The following EXOC6B variants were observed in gnomAD, a reference collection of about 807,000 sequenced individuals.
EXOC6B encodes SEC15 homolog B.
EXOC6B carries 54 observed loss-of-function variants against 113.5 expected under a neutral mutation model. The ratio of observed to expected loss-of-function variants is 0.48; its 90% confidence interval spans 0.38 to 0.60. The LOEUF (loss-of-function observed/expected upper bound fraction) is 0.60, where lower values mean the gene tolerates loss of function less well. Ranked by LOEUF, EXOC6B falls within the 20% of genes least tolerant of loss-of-function variation. EXOC6B has a pLI of 0.00. For missense variants in EXOC6B, 797 were observed against 977.5 expected (o/e 0.82, Z 2.46); for synonymous variants, 357 against 339.0 (o/e 1.05, Z -0.58).
intron 20 of EXOC6B, among the ~76,000 whole-genome samples, chr2:72,187,368 A>T (rs956119785): frequency 6.6e-6 from 1 of 151,906 alleles, no homozygotes; most frequent in African/African-American, 2.4e-5. Context: ...CAGCTCTTTT[A>T]GCCTTACCAT....
chr2:72,764,256 T>A (rs1682925333), intron 1 of EXOC6B, among the ~76,000 whole-genome samples: 1 of 152,002 alleles, frequency 6.6e-6, no homozygotes, highest in Non-Finnish European at 1.5e-5. Flanking sequence ...AGATTGCTTT[T>A]GTAATATAAA....
intron 6 of EXOC6B, among the ~76,000 whole-genome samples, chr2:72,656,475 T>TAAATAAA (rs1674583967): frequency 6.6e-6 from 1 of 151,890 alleles, no homozygotes; most frequent in African/African-American, 2.4e-5. Flanking sequence ...TTCACATCTA[T>TAAATAAA]GCAAGGAATA....
chr2:72,446,696 A>G (rs1696605482), intron 18 of EXOC6B, among the ~76,000 whole-genome samples: 1 of 152,154 alleles, frequency 6.6e-6, no homozygotes, highest in Non-Finnish European at 1.5e-5. Flanking sequence ...TGGGTGATGA[A>G]ATAATCTGTA....
At chr2:72,497,722 T>A (rs1400955816) in intron 13 of EXOC6B, among the ~76,000 whole-genome samples, 4 of 152,136 alleles carry the variant, frequency 2.6e-5, no homozygotes, top group African/African-American at 7.2e-5. Flanking sequence ...CTTGAAGCTA[T>A]AAGAGTTTGA....
intron 18 of EXOC6B, among the ~76,000 whole-genome samples, chr2:72,382,442 G>C (rs1336812905): frequency 6.6e-6 from 1 of 152,136 alleles, no homozygotes; most frequent in Non-Finnish European, 1.5e-5. Context: ...TAGCCCTGTG[G>C]TATAGTTTGA....
At chr2:72,808,032 C>T (rs2105112524) in intron 1 of EXOC6B, among the ~76,000 whole-genome samples, 1 of 152,278 alleles carries the variant, frequency 6.6e-6, no homozygotes. Context: ...GATTATTACA[C>T]ATTGCATGTC....
intron 6 of EXOC6B, among the ~76,000 whole-genome samples, chr2:72,585,217 G>C (rs1417769698): frequency 1.3e-5 from 2 of 152,110 alleles, no homozygotes; most frequent in Admixed American, 1.3e-4. Context: ...TTAAAAATGG[G>C]TTGTTCTAAA....
At chr2:72,457,824 G>A (rs1400890661) in intron 18 of EXOC6B, among the ~76,000 whole-genome samples, 4 of 152,062 alleles carry the variant, frequency 2.6e-5, no homozygotes, top group African/African-American at 7.2e-5. Flanking sequence ...AGATAGGCAG[G>A]CTGCCTAAGT....
Position 72,575,656 on chromosome 2 carries a change from T to C in EXOC6B, c.682A>G (p.Arg228Gly). 1.3e-6 allele frequency: 2 copies of C among 1,598,974 alleles called. No individual in the cohort carries two copies. Among genetic ancestry groups the C allele is most frequent in the Non-Finnish European group, 1.7e-6 (2 of 1,174,012 alleles). ...TGCAAGACGATGTTATCCAGGTTTC[T>C]TTGCTGCTGGGCCTAGGATAGAGAA... ...ETAMKQAQQQRNLDNIVLQQP... is the reference protein window; with the variant it reads ...ETAMKQAQQQGNLDNIVLQQP... Residue 228 changes from arginine (R) to glycine (G), a missense_variant, in exon 7 of 22, where the codon AGA (arginine) becomes GGA (glycine). Coordinates refer to ENST00000272427, the MANE Select transcript of EXOC6B (RefSeq NM_015189.3).
intron 20 of EXOC6B, among the ~76,000 whole-genome samples, chr2:72,318,457 G>A (rs546917846): frequency 9.2e-5 from 14 of 151,594 alleles, no homozygotes; most frequent in Non-Finnish European, 1.8e-4. Context: ...GCAATGGTGC[G>A]ATCTCGGCCC....
At chr2:72,344,464 G>C (rs532464228) in intron 19 of EXOC6B, among the ~76,000 whole-genome samples, 109 of 146,330 alleles carry the variant, frequency 7.4e-4, no homozygotes, top group Admixed American at 1.2e-3. Flanking sequence ...TTTTTTTTTT[G>C]CTTGCATGGG....
chr2:72,612,199 C>T (rs976795792), intron 6 of EXOC6B, among the ~76,000 whole-genome samples: 1 of 151,810 alleles, frequency 6.6e-6, no homozygotes, highest in Admixed American at 6.6e-5. Context: ...GGTTTGAGCT[C>T]AGGAGGCAGA....
chr2:72,193,396 T>C (rs764360555), intron 20 of EXOC6B, among the ~76,000 whole-genome samples: 27 of 152,184 alleles, frequency 1.8e-4, no homozygotes, highest in Non-Finnish European at 2.9e-4. Context: ...AAGGGCATCC[T>C]GAGTCTGCCT....
chr2:72,296,289 A>G (rs946825025), intron 20 of EXOC6B, among the ~76,000 whole-genome samples: 7 of 152,250 alleles, frequency 4.6e-5, no homozygotes, highest in African/African-American at 1.7e-4. Context: ...GAGAAGAAAC[A>G]TGGGTCTTTC....
chr2:72,356,818 T>G (rs972915753), intron 19 of EXOC6B, among the ~76,000 whole-genome samples: 1 of 152,142 alleles, frequency 6.6e-6, no homozygotes, highest in Non-Finnish European at 1.5e-5. Context: ...AACCACTGAC[T>G]GAAAATATTA....
chr2:72,538,080 C>G (rs935442110), intron 8 of EXOC6B, among the ~76,000 whole-genome samples: 2 of 151,920 alleles, frequency 1.3e-5, no homozygotes, highest in African/African-American at 4.8e-5. Flanking sequence ...ACCTCACCTC[C>G]CAAAGTAACT....
intron 20 of EXOC6B, among the ~76,000 whole-genome samples, chr2:72,271,858 T>G (rs1426694307): frequency 6.6e-6 from 1 of 151,542 alleles, no homozygotes; most frequent in Non-Finnish European, 1.5e-5. Context: ...AAAAAAAAAA[T>G]GCTGAAAGTT....
rs373278698 is a variant in EXOC6B at position 72,375,179 on chromosome 2, T to C, written c.2122+4550A>G. ...AGAGCTTCAAAATGCATTAACCTGA[T>C]AAAATGGAAACTGACAGGATTGATA... On this transcript the variant is annotated intron_variant, in intron 19 of 21. Coordinates refer to ENST00000272427, the MANE Select transcript of EXOC6B (RefSeq NM_015189.3). 5.3e-5 allele frequency among the ~76,000 whole-genome samples: 8 copies of C among 152,062 alleles called. No individual in the cohort carries two copies. In the East Asian group the frequency reaches 1.2e-3, roughly 22 times the overall value.
At chr2:72,398,943 T>C (rs966138809) in intron 18 of EXOC6B, among the ~76,000 whole-genome samples, 1 of 147,304 alleles carries the variant, frequency 6.8e-6, no homozygotes, top group Non-Finnish European at 1.5e-5. Flanking sequence ...AAGAAAATAG[T>C]AAATCCTCCC....
Sources: gnomAD v4.1 joint callset for allele counts (sites outside exome capture counted in the v4.1 genomes callset) on GRCh38, gnomAD v4.1.1 for gene constraint, MANE v1.5 for transcripts, NCBI Gene and HGNC (gene_info 2026-07-23, HGNC 2026-07-21) for gene names.